FANCB: variants seen among roughly 807,000 people sequenced by gnomAD.
The protein encoded by FANCB is Fanconi anemia group B protein.
FANCB carries 5 observed loss-of-function variants against 38.9 expected under a neutral mutation model. The observed-to-expected ratio is 0.13, with a 90% CI of 0.07 to 0.27. The LOEUF (loss-of-function observed/expected upper bound fraction) is 0.27. Ranked by LOEUF, FANCB falls within the 10% of genes least tolerant of loss-of-function variation. FANCB has a pLI of 1.00. For missense variants in FANCB, 573 were observed against 602.7 expected (o/e 0.95, Z 0.52); for synonymous variants, 236 against 215.4 (o/e 1.10, Z -0.84).
the FANCB span, among the ~76,000 whole-genome samples, chrX:14,806,177 G>T: frequency 9.0e-6 from 1 of 111,610 alleles, no homozygotes; most frequent in Non-Finnish European, 1.9e-5. Flanking sequence ...AGGACCCTGA[G>T]AAAGGAGGGA....
the FANCB span, among the ~76,000 whole-genome samples, chrX:14,805,040 T>G: frequency 2.7e-5 from 3 of 112,001 alleles, no homozygotes; most frequent in East Asian, 8.5e-4. Context: ...CCAGTCCTGA[T>G]TTTTCAGTGG....
the FANCB span, among the ~76,000 whole-genome samples, chrX:14,765,926 C>T: frequency 8.9e-6 from 1 of 111,760 alleles, no homozygotes; most frequent in South Asian, 3.8e-4. Context: ...CAAAGGATCT[C>T]AAGAGTAGTG....
At chrX:14,824,917 T>C in the FANCB span, among the ~76,000 whole-genome samples, 5 of 112,548 alleles carry the variant, frequency 4.4e-5, no homozygotes, top group African/African-American at 1.6e-4. Context: ...AGAGGAGGAC[T>C]GCTGGAAAGG....
chrX:14,860,720 A>G (rs2147433690), intron 3 of FANCB, among the ~76,000 whole-genome samples: 1 of 112,266 alleles, frequency 8.9e-6, no homozygotes, highest in East Asian at 2.8e-4. Flanking sequence ...CATTTACAAC[A>G]TGTTTTAATT....
chrX:14,734,111 T>C, the FANCB span, among the ~76,000 whole-genome samples: 2 of 112,244 alleles, frequency 1.8e-5, no homozygotes, highest in South Asian at 7.4e-4. Context: ...AATTTTACCT[T>C]TAGAGCATGT....
chrX:14,781,758 C>T, the FANCB span, among the ~76,000 whole-genome samples: 1 of 112,315 alleles, frequency 8.9e-6, no homozygotes, highest in African/African-American at 3.2e-5. Flanking sequence ...AAAGTGTTTG[C>T]TACAGAGGGT....
the FANCB span, among the ~76,000 whole-genome samples, chrX:14,708,712 G>A: frequency 1.7e-4 from 19 of 111,665 alleles, no homozygotes; most frequent in South Asian, 7.5e-4. Context: ...CGAGGTGGGC[G>A]GATGGCCTGG....
At chrX:14,861,969 T>C (rs758377205) in intron 3 of FANCB, among the ~76,000 whole-genome samples, 4 of 111,924 alleles carry the variant, frequency 3.6e-5, no homozygotes, top group South Asian at 7.4e-4. Flanking sequence ...CTCAGCCTCC[T>C]GAGTAGCTGG....
intron 3 of FANCB, among the ~76,000 whole-genome samples, chrX:14,861,112 G>T (rs2092444867): frequency 9.0e-6 from 1 of 110,993 alleles, no homozygotes; most frequent in Non-Finnish European, 1.9e-5. Flanking sequence ...TCAAACTCTA[G>T]GTCTCAAGCA....
chrX:14,866,217 G>C (rs1421000375), intron 2 of FANCB, among the ~76,000 whole-genome samples: 1 of 111,909 alleles, frequency 8.9e-6, no homozygotes, highest in African/African-American at 3.2e-5. Context: ...CAATGCATTT[G>C]TATGCATTTG....
the FANCB span, among the ~76,000 whole-genome samples, chrX:14,806,859 G>A: frequency 8.9e-6 from 1 of 111,961 alleles, no homozygotes; most frequent in Non-Finnish European, 1.9e-5. Context: ...TGTCAGACTT[G>A]AGAAAAGAAT....
At chrX:14,737,530 T>C in the FANCB span, among the ~76,000 whole-genome samples, 1 of 112,161 alleles carries the variant, frequency 8.9e-6, no homozygotes, top group African/African-American at 3.2e-5. Flanking sequence ...ATAGGGAGAC[T>C]AGCTCAGCCA....
intron 1 of FANCB, among the ~76,000 whole-genome samples, chrX:14,869,672 C>A (rs754361269): frequency 8.9e-6 from 1 of 112,172 alleles, no homozygotes; most frequent in Non-Finnish European, 1.9e-5. Flanking sequence ...AGCTTACATG[C>A]CCCTTGCCTT....
Position 14,843,468 on chromosome X carries a change from C to T in FANCB, c.*99G>A, listed in dbSNP as rs920824221. 9.7e-5 allele frequency: 54 copies of T among 558,423 alleles called. No homozygotes were observed. The highest frequency in any genetic ancestry group is 2.8e-4 in the South Asian group (9 of 31,795). 46.0% of individuals were successfully genotyped at this position (558,423 alleles called of 1,213,427 possible). A position where few individuals can be genotyped will look rare whatever the true frequency, so the allele number is the denominator to read the frequency against. On this transcript the variant is annotated 3_prime_UTR_variant, in exon 10 of 10. Transcript: ENST00000650831. ...CTAAAGTTTCTACTACAGTAAGCCT[C>T]GGTGTTTATTTTTACAAAGGAGGCA...
chrX:14,783,678 G>T, the FANCB span, among the ~76,000 whole-genome samples: 5 of 111,796 alleles, frequency 4.5e-5, no homozygotes, highest in African/African-American at 1.6e-4. Context: ...AACCCAAAAG[G>T]TAAGAATATA....
chrX:14,858,615 A>G (rs138648790), intron 4 of FANCB, among the ~76,000 whole-genome samples: 43 of 111,606 alleles, frequency 3.9e-4, no homozygotes, highest in African/African-American at 1.3e-3. Flanking sequence ...GAAGTGCAAC[A>G]TAATAATCAT....
the FANCB span, among the ~76,000 whole-genome samples, chrX:14,778,535 C>A: frequency 2.7e-5 from 3 of 111,870 alleles, no homozygotes; most frequent in Non-Finnish European, 5.6e-5. Flanking sequence ...AGAGATTAAT[C>A]CTAGATGATG....
chrX:14,714,324 TG>T, the FANCB span, among the ~76,000 whole-genome samples: 1 of 111,171 alleles, frequency 9.0e-6, no homozygotes, highest in Non-Finnish European at 1.9e-5. Flanking sequence ...TGGCATCTAG[TG>T]GGTAAAGGCC....
the FANCB span, among the ~76,000 whole-genome samples, chrX:14,726,160 T>C: frequency 1.3e-4 from 15 of 112,383 alleles, no homozygotes; most frequent in South Asian, 5.1e-3. Context: ...TTTATTTTAG[T>C]TTCAGTTTAT....
Sources: gnomAD v4.1 joint callset for allele counts (sites outside exome capture counted in the v4.1 genomes callset) on GRCh38, gnomAD v4.1.1 for gene constraint, MANE v1.5 for transcripts, NCBI Gene and HGNC (gene_info 2026-07-23, HGNC 2026-07-21) for gene names.